The following SLC13A3 variants were observed in gnomAD, a reference collection of about 807,000 sequenced individuals.
The protein encoded by SLC13A3 is Na(+)/dicarboxylate cotransporter 3.
SLC13A3 carries 40 observed loss-of-function variants against 59.0 expected under a neutral mutation model. The ratio of observed to expected loss-of-function variants is 0.68; its 90% CI spans 0.53 to 0.88. SLC13A3 has a LOEUF of 0.88. SLC13A3 is among the 40% of genes least tolerant of loss of function. SLC13A3 has a pLI of 0.00. For synonymous variants in SLC13A3, 317 were observed against 330.3 expected, an observed-to-expected ratio of 0.96 and a Z score of 0.44; for missense variants, 699 against 783.2, an observed-to-expected ratio of 0.89 and a Z score of 1.28.
chr20:46,622,457 A>G lies in SLC13A3; in HGVS notation c.112-8732T>C, dbSNP rs560807906. Among the ~76,000 whole-genome samples, 10 of 152,282 alleles carry G rather than the reference A, an allele frequency of 6.6e-5. No homozygotes were observed. The South Asian group carries it at 2.1e-3, about 32-fold the overall frequency. On this transcript the variant is annotated intron_variant, in intron 1 of 12. Coordinates refer to ENST00000279027, the MANE Select transcript of SLC13A3 (RefSeq NM_022829.6). ...TTTAAACTAAATCTCAGACAATAAAAGCTTTTGCAGATTCCTAAGGTCAGA... is the reference window on the plus strand; with the variant it reads ...TTTAAACTAAATCTCAGACAATAAAGGCTTTTGCAGATTCCTAAGGTCAGA...
upstream of SLC13A3, among the ~76,000 whole-genome samples, chr20:46,652,306 A>G (rs1014286381): frequency 6.6e-6 from 1 of 152,362 alleles, no homozygotes; most frequent in Admixed American, 6.5e-5. Context: ...GAGATAACAC[A>G]TGTAATGTGA....
rs1054865943 is a variant in SLC13A3, at chr20:46,634,042, G to A, written c.111+17269C>T. ...CTGATCTTATGGGCCCTATCCCCAC[G>A]GCTCAGCGATGAAGATTATAGTGGA... On this transcript the variant is annotated intron_variant, in intron 1 of 12. Transcript: ENST00000279027. 3.9e-5 allele frequency among the ~76,000 whole-genome samples: 6 copies of A among 152,286 alleles called. No homozygotes were observed. The South Asian group carries it at 6.2e-4, about 16-fold the overall frequency.
chr20:46,585,101 T>C, intron 8 of SLC13A3: 1 of 966,486 alleles, frequency 1.0e-6, no homozygotes, highest in Non-Finnish European at 1.2e-6. Context: ...CTATGCAGTG[T>C]TTTAAAAGAA....
intron 10 of SLC13A3, among the ~76,000 whole-genome samples, chr20:46,571,147 C>T (rs887045208): frequency 2.6e-5 from 4 of 152,150 alleles, no homozygotes; most frequent in African/African-American, 9.7e-5. Context: ...GTCACAAGAA[C>T]AGCATAAGGG....
At chr20:46,664,796 A>G (rs943164680) in intron 1 of SLC13A3, among the ~76,000 whole-genome samples, 1 of 152,244 alleles carries the variant, frequency 6.6e-6, no homozygotes, top group Admixed American at 6.5e-5. Context: ...AAGTGAACAC[A>G]TGAACTTCTG....
At chr20:46,586,454 C>T (rs1240020992) in intron 8 of SLC13A3, among the ~76,000 whole-genome samples, 1 of 152,180 alleles carries the variant, frequency 6.6e-6, no homozygotes, top group East Asian at 1.9e-4. Context: ...TAAACACTTT[C>T]CATAGCTGAG....
upstream of SLC13A3, among the ~76,000 whole-genome samples, chr20:46,673,432 C>G (rs2063104084): frequency 6.6e-6 from 1 of 152,190 alleles, no homozygotes; most frequent in Admixed American, 6.5e-5. Context: ...TTGCTGGGGG[C>G]TGTCCTCTTT....
chr20:46,589,808 G>A (rs1339188985), intron 6 of SLC13A3, among the ~76,000 whole-genome samples: 1 of 152,172 alleles, frequency 6.6e-6, no homozygotes, highest in Non-Finnish European at 1.5e-5. Context: ...GGAAAAGAAT[G>A]AATCTGGACC....
At chr20:46,628,226 G>A (rs933853783) in intron 1 of SLC13A3, among the ~76,000 whole-genome samples, 1 of 152,212 alleles carries the variant, frequency 6.6e-6, no homozygotes, top group African/African-American at 2.4e-5. Flanking sequence ...TCAGAGGTTG[G>A]GAGAGGTGTC....
intron 1 of SLC13A3, among the ~76,000 whole-genome samples, chr20:46,624,968 T>C (rs1395200733): frequency 2.0e-5 from 3 of 151,358 alleles, no homozygotes; most frequent in Non-Finnish European, 4.4e-5. Context: ...TGTGAAGTGT[T>C]CTGAGAAGGG....
chr20:46,563,391 T>C (rs1264488827), intron 12 of SLC13A3, 23 bp downstream of exon 12: 1 of 1,608,906 alleles, frequency 6.2e-7, no homozygotes, highest in Admixed American at 1.7e-5. Context: ...CCGGGGCCTC[T>C]GCTGGGAAAT....
rs73307296 is a variant in SLC13A3, at chr20:46,560,461, G to A, written c.1633-263C>T. Among the ~76,000 whole-genome samples the A allele has an allele frequency of 4.0e-3, 605 of 152,264 alleles. 7 individuals carry two copies. Among genetic ancestry groups the A allele is most frequent in the African/African-American group, 0.014 (565 of 41,534 alleles). On this transcript the variant is annotated intron_variant, in intron 12 of 12. Coordinates refer to ENST00000279027, the MANE Select transcript of SLC13A3 (RefSeq NM_022829.6). ...CACTGTGTGCTACGCAGTTGTCACA[G>A]GGTTATGCTGTTTAACCCAGAAAGC...
intron 1 of SLC13A3, among the ~76,000 whole-genome samples, chr20:46,627,613 T>C (rs530415327): frequency 6.7e-6 from 1 of 148,700 alleles, no homozygotes; most frequent in East Asian, 2.3e-4. Context: ...AAAAGGAAAC[T>C]GTGGGCCAAT....
chr20:46,597,484 T>G (rs2062325424), intron 4 of SLC13A3, among the ~76,000 whole-genome samples: 2 of 152,256 alleles, frequency 1.3e-5, no homozygotes, highest in Non-Finnish European at 2.9e-5. Flanking sequence ...TCACCCAGGC[T>G]AGAGTGCAAT....
At position 46,631,504 on chromosome 20, in the gene SLC13A3, G is replaced by A. The variant is rs2062736351; in HGVS notation, c.112-17779C>T. 3.3e-5 allele frequency among the ~76,000 whole-genome samples: 5 copies of A among 152,252 alleles called. No individual in the cohort carries two copies. In the South Asian group the frequency reaches 6.2e-4, roughly 19 times the overall value. ...GGCTTTATCATGCAGCAGGAGTTGG[G>A]AGCAGGGCTGCCATGTGGGCGAGGC... On this transcript the variant is annotated intron_variant, in intron 1 of 12. Transcript: ENST00000279027.
intron 1 of SLC13A3, among the ~76,000 whole-genome samples, chr20:46,666,432 G>T (rs6017964): frequency 0.048 from 7,377 of 152,128 alleles, 345 homozygotes; most frequent in African/African-American, 0.13. Context: ...ACTTTTGACT[G>T]AAAGAGAGTG....
At chr20:46,612,102 TCTCTCTTTCTC>T (rs2062502603) in intron 2 of SLC13A3, among the ~76,000 whole-genome samples, 1 of 146,806 alleles carries the variant, frequency 6.8e-6, no homozygotes, top group African/African-American at 2.7e-5. Context: ...TTTCTTTCTT[TCTCTCTTTCTC>T]TCTCTCTTTG....
chr20:46,659,776 G>A (rs2063017735), intron 1 of SLC13A3, among the ~76,000 whole-genome samples: 1 of 145,340 alleles, frequency 6.9e-6, no homozygotes, highest in Admixed American at 7.0e-5. Flanking sequence ...TGGAAATAAT[G>A]TAAAAAAATT....
chr20:46,563,698 G>C, intron 11 of SLC13A3, 147 bp from the exon 12 acceptor site: 1 of 830,722 alleles, frequency 1.2e-6, no homozygotes, highest in Non-Finnish European at 1.8e-6. Flanking sequence ...GAGATTGGCA[G>C]AGTGGCAGAG....
Sources: gnomAD v4.1 joint callset for allele counts (sites outside exome capture counted in the v4.1 genomes callset) on GRCh38, gnomAD v4.1.1 for gene constraint, MANE v1.5 for transcripts, NCBI Gene and HGNC (gene_info 2026-07-23, HGNC 2026-07-21) for gene names.